Variants in CNTNAP4 observed in about 807,000 individuals in gnomAD.
The protein encoded by CNTNAP4 is contactin associated protein family member 4, also known as contactin-associated protein-like 4.
Under a neutral mutation model 148.4 loss-of-function variants are expected in CNTNAP4, and 98 were observed. That is an observed-to-expected ratio of 0.66 (90% CI 0.56 to 0.78). The LOEUF (loss-of-function observed/expected upper bound fraction) is 0.78. Among genes scored for constraint, CNTNAP4 ranks in the 30% least tolerant of loss-of-function variants. The pLI, the probability that CNTNAP4 is intolerant of heterozygous loss-of-function variation, is 0.00. For missense variants in CNTNAP4, 1,935 were observed against 1,565.6 expected, an observed-to-expected ratio of 1.24 and a Z score of -3.98; for synonymous variants, 730 against 565.1, an observed-to-expected ratio of 1.29 and a Z score of -4.14.
intron 2 of CNTNAP4, among the ~76,000 whole-genome samples, chr16:76,344,914 C>T (rs1304283556): frequency 2.0e-5 from 3 of 152,168 alleles, no homozygotes; most frequent in African/African-American, 7.2e-5. Context: ...TAGATGGGGG[C>T]TCCCCTGGCT....
intron 15 of CNTNAP4, among the ~76,000 whole-genome samples, chr16:76,516,115 C>A (rs940022180): frequency 3.3e-5 from 5 of 150,866 alleles, no homozygotes; most frequent in African/African-American, 1.2e-4. Context: ...CCAACAGGCC[C>A]CATTGTGTGA....
intron 3 of CNTNAP4, among the ~76,000 whole-genome samples, chr16:76,378,471 G>T (rs1389755810): frequency 6.6e-6 from 1 of 152,176 alleles, no homozygotes; most frequent in East Asian, 1.9e-4. Context: ...GAAGTATACT[G>T]TTTCTGGCAT....
intron 3 of CNTNAP4, among the ~76,000 whole-genome samples, chr16:76,411,652 A>G (rs1349424367): frequency 6.6e-6 from 1 of 151,470 alleles, no homozygotes; most frequent in Admixed American, 6.6e-5. Flanking sequence ...TGAAAAATAG[A>G]ATTTTAATGA....
intron 2 of CNTNAP4, among the ~76,000 whole-genome samples, chr16:76,317,599 C>T (rs1443471014): frequency 2.0e-5 from 3 of 152,142 alleles, no homozygotes; most frequent in Admixed American, 2.0e-4. Context: ...TATTATCCTC[C>T]TCTCGTGGCA....
chr16:76,538,407 A>G, intron 19 of CNTNAP4, 67 bp downstream of exon 19: 1 of 1,200,810 alleles, frequency 8.3e-7, no homozygotes, highest in Non-Finnish European at 1.2e-6. Context: ...AATATGGATC[A>G]TTCTCGTGTT....
chr16:76,368,661 G>C (rs556579806), intron 3 of CNTNAP4, among the ~76,000 whole-genome samples: 2 of 151,970 alleles, frequency 1.3e-5, no homozygotes, highest in South Asian at 4.1e-4. Flanking sequence ...ATCACACACC[G>C]GGGCCTGTTG....
chr16:76,462,099 T>G lies in CNTNAP4; in HGVS notation c.1477T>G (p.Phe493Val). ...GATTTATTCGGGTGGCACCTATTAT[T>G]TTGGAGGTAAGAATAGGTGCCAGGC... The part of the protein sequence containing the change: ...EQIYSGGTYY[F>V]GGCPDKSFGS... The change falls in exon 9 of 24, where the codon TTT (phenylalanine) becomes GTT (valine). Residue 493 changes from phenylalanine to valine, a missense_variant. Phe to Val is a conservative substitution (Grantham distance 50, BLOSUM62 -1). Coordinates refer to ENST00000611870, the MANE Select transcript of CNTNAP4 (RefSeq NM_033401.5). 3 of 1,613,098 alleles carry G rather than the reference T, an allele frequency of 1.9e-6. No homozygotes were observed.
intron 3 of CNTNAP4, among the ~76,000 whole-genome samples, chr16:76,366,776 A>G (rs1425358081): frequency 1.3e-5 from 2 of 152,206 alleles, no homozygotes; most frequent in Non-Finnish European, 2.9e-5. Context: ...ATGAAAAGAT[A>G]TCAAGGAAAA....
intron 4 of CNTNAP4, among the ~76,000 whole-genome samples, chr16:76,436,116 T>A (rs1388455962): frequency 6.6e-6 from 1 of 151,988 alleles, no homozygotes; most frequent in Non-Finnish European, 1.5e-5. Context: ...CTCAGGAGAA[T>A]CAACATTATC....
At chr16:76,383,408 AAAAAC>A (rs1254425769) in intron 3 of CNTNAP4, among the ~76,000 whole-genome samples, 1 of 152,004 alleles carries the variant, frequency 6.6e-6, no homozygotes, top group African/African-American at 2.4e-5. Flanking sequence ...AAAAAAAAAA[AAAAAC>A]GTATCATGTA....
intron 4 of CNTNAP4, among the ~76,000 whole-genome samples, chr16:76,436,189 C>T (rs1313068041): frequency 6.6e-6 from 1 of 152,022 alleles, no homozygotes; most frequent in East Asian, 1.9e-4. Context: ...GGGTTTATCT[C>T]CTCAGACAAA....
chr16:76,405,018 A>G (rs1244824665), intron 3 of CNTNAP4, among the ~76,000 whole-genome samples: 1 of 143,398 alleles, frequency 7.0e-6, no homozygotes, highest in Non-Finnish European at 1.5e-5. Flanking sequence ...TAACCTTAAA[A>G]TAGATAAATT....
chr16:76,439,163 C>T (rs2079944660), intron 4 of CNTNAP4, among the ~76,000 whole-genome samples: 1 of 152,050 alleles, frequency 6.6e-6, no homozygotes, highest in Admixed American at 6.6e-5. Flanking sequence ...CCCACCGTAG[C>T]ACTTGACACA....
At chr16:76,527,482 G>A (rs2083791992) in intron 17 of CNTNAP4, among the ~76,000 whole-genome samples, 1 of 152,096 alleles carries the variant, frequency 6.6e-6, no homozygotes, top group Non-Finnish European at 1.5e-5. Flanking sequence ...GATAATTATA[G>A]CTAATCAGCA....
At chr16:76,290,819 A>G (rs767854496) in intron 1 of CNTNAP4, among the ~76,000 whole-genome samples, 4 of 152,290 alleles carry the variant, frequency 2.6e-5, no homozygotes, top group East Asian at 3.9e-4. Context: ...GGCTTAAACA[A>G]TGTACATTAA....
intron 3 of CNTNAP4, among the ~76,000 whole-genome samples, chr16:76,394,176 C>T (rs1369012681): frequency 1.3e-5 from 2 of 152,156 alleles, no homozygotes; most frequent in Non-Finnish European, 2.9e-5. Flanking sequence ...TCGTGAGAGA[C>T]TCTGATCTGG....
intron 3 of CNTNAP4, among the ~76,000 whole-genome samples, chr16:76,388,573 C>G (rs1312705473): frequency 6.6e-6 from 1 of 152,130 alleles, no homozygotes; most frequent in Admixed American, 6.6e-5. Context: ...CTTAAGCTAT[C>G]TAAAAGTCAT....
chr16:76,444,159 C>T (rs1047428335), intron 4 of CNTNAP4, among the ~76,000 whole-genome samples: 2 of 151,962 alleles, frequency 1.3e-5, no homozygotes, highest in African/African-American at 4.8e-5. Flanking sequence ...GGTAGATACG[C>T]AAGAAGTTAA....
chr16:76,549,833 G>A lies in CNTNAP4; in HGVS notation c.3443-3450G>A, dbSNP rs118039774. Among the ~76,000 whole-genome samples the A allele has an allele frequency of 5.3e-5, 8 of 152,078 alleles. No homozygotes were observed. In the East Asian group the frequency reaches 1.5e-3, roughly 29 times the overall value. ...AAATGAATTTAGAGAATATATAGAG[G>A]AGACCTAATGTGAAAAATTGGCATT... On this transcript the variant is annotated intron_variant, in intron 21 of 23. Coordinates refer to ENST00000611870, the MANE Select transcript of CNTNAP4 (RefSeq NM_033401.5).
Sources: allele counts gnomAD v4.1 joint callset (sites outside exome capture counted in the v4.1 genomes callset), GRCh38; gene constraint gnomAD v4.1.1; transcripts MANE v1.5; gene names NCBI Gene and HGNC (gene_info 2026-07-23, HGNC 2026-07-21).